RIMS1: variants seen among roughly 807,000 people sequenced by gnomAD.
RIMS1 encodes the protein regulating synaptic membrane exocytosis 1.
In RIMS1, 83 loss-of-function variants were observed where a neutral mutation model predicts 214.1. The observed-to-expected ratio is 0.39, with a 90% CI of 0.32 to 0.47. The LOEUF is 0.47. Ranked by LOEUF, RIMS1 falls within the 20% of genes least tolerant of loss-of-function variation. The pLI is 0.99. For synonymous variants in RIMS1, 793 were observed against 786.8 expected (o/e 1.01, Z -0.13); for missense variants, 2,050 against 2,161.8 (o/e 0.95, Z 1.03).
intron 2 of RIMS1, among the ~76,000 whole-genome samples, chr6:71,978,886 G>A (rs1219010235): frequency 6.6e-6 from 1 of 152,088 alleles, no homozygotes; most frequent in African/African-American, 2.4e-5. Context: ...AGTCAGTAGA[G>A]CCAGTAATTT....
In RIMS1 at chr6:72,345,628, A is replaced by T. The variant is rs555985039; in HGVS notation, c.4366+11793A>T. 1.1e-4 allele frequency among the ~76,000 whole-genome samples: 16 copies of T among 151,940 alleles called. No individual in the cohort carries two copies. In the South Asian group the frequency reaches 3.1e-3, roughly 29 times the overall value. ...TTTGATAGAGATTTTTTAAACAAGC[A>T]TAGATTTATAATATTTAATTTTGTT... On this transcript the variant is annotated intron_variant, in intron 29 of 33. Transcript: ENST00000521978.
intron 4 of RIMS1, among the ~76,000 whole-genome samples, chr6:72,121,329 GA>G (rs1211913818): frequency 2.0e-5 from 3 of 151,712 alleles, no homozygotes; most frequent in African/African-American, 7.3e-5. Context: ...TTATTTCGTT[GA>G]GCAGTGGTTT....
At chr6:72,024,808 G>GAAC (rs1217893220) in intron 2 of RIMS1, among the ~76,000 whole-genome samples, 3 of 148,530 alleles carry the variant, frequency 2.0e-5, no homozygotes, top group Non-Finnish European at 3.0e-5. Context: ...TTGAAATTTA[G>GAAC]AACAACTGAC....
At chr6:71,962,096 T>C (rs756169267) in intron 1 of RIMS1, among the ~76,000 whole-genome samples, 3 of 152,124 alleles carry the variant, frequency 2.0e-5, no homozygotes, top group Non-Finnish European at 4.4e-5. Context: ...GAGAAACTTA[T>C]AGAATCAAGC....
intron 4 of RIMS1, among the ~76,000 whole-genome samples, chr6:72,100,396 A>G (rs1586944372): frequency 1.3e-5 from 2 of 152,226 alleles, no homozygotes; most frequent in South Asian, 4.1e-4. Flanking sequence ...GGAATGGATC[A>G]AATTCAAGTA....
chr6:72,237,372 C>A (rs1351387748), intron 8 of RIMS1, among the ~76,000 whole-genome samples: 1 of 152,008 alleles, frequency 6.6e-6, no homozygotes, highest in Non-Finnish European at 1.5e-5. Context: ...GTGCTCCCAG[C>A]TACTTTAATC....
intron 6 of RIMS1, among the ~76,000 whole-genome samples, chr6:72,202,305 G>T (rs1442290645): frequency 6.6e-6 from 1 of 152,222 alleles, no homozygotes; most frequent in Non-Finnish European, 1.5e-5. Flanking sequence ...AGATCAGGGT[G>T]TTGGCAGGGT....
At chr6:72,015,257 A>G (rs777092604) in intron 2 of RIMS1, among the ~76,000 whole-genome samples, 26 of 152,078 alleles carry the variant, frequency 1.7e-4, no homozygotes, top group Non-Finnish European at 1.9e-4. Context: ...CAGGTGTGCA[A>G]TTTTCCAATG....
intron 6 of RIMS1, among the ~76,000 whole-genome samples, chr6:72,209,794 G>A (rs567037633): frequency 2.0e-5 from 3 of 151,828 alleles, no homozygotes; most frequent in Admixed American, 6.6e-5. Context: ...CCAGCTACTC[G>A]GGAGGCTGAG....
intron 11 of RIMS1, among the ~76,000 whole-genome samples, chr6:72,246,280 C>G (rs1026428978): frequency 6.6e-6 from 1 of 152,056 alleles, no homozygotes; most frequent in Non-Finnish European, 1.5e-5. Flanking sequence ...TACTGAATAA[C>G]AAAGTGTGTG....
At chr6:72,097,221 C>A in intron 3 of RIMS1, 59 bp downstream of exon 3, 2 of 1,443,002 alleles carry the variant, frequency 1.4e-6, no homozygotes, top group Non-Finnish European at 1.9e-6. Flanking sequence ...ATTACGCCTT[C>A]CAAACATGAG....
In RIMS1 at chr6:72,258,159, TACA is replaced by T. The variant is rs1315349935; in HGVS notation, c.2809_2811del (p.Thr937del). On this transcript the variant is annotated inframe_deletion, in exon 17 of 34. Transcript: ENST00000521978. Reference sequence around the variant, plus strand: ...GGTCTAGTGCTAGAGAAAGTAAATCTACAACATTAACTGTGCCAGAACAGCAAA... The same window carrying T: ...GGTCTAGTGCTAGAGAAAGTAAATCTACATTAACTGTGCCAGAACAGCAAA... 7 of 1,613,148 alleles carry T rather than the reference TACA, an allele frequency of 4.3e-6. No individual in the cohort carries two copies. The East Asian group carries it at 1.6e-4, about 36-fold the overall frequency.
In RIMS1 at chr6:72,235,637, C is replaced by T; in HGVS notation, c.1766C>T (p.Pro589Leu). ...TAACAGCATCCTGTAACGTGGCAAC[C>T]ATCTAAAGAGGGGGACCGATTAATT... ...PISSHPVTWQ[P>L]SKEGDRLIGR... is the part of the protein sequence containing the mutation. Residue 589 changes from proline to leucine, a missense_variant, in exon 8 of 34, where the codon CCA becomes CTA. Coordinates refer to ENST00000521978, the MANE Select transcript of RIMS1 (RefSeq NM_014989.7). The T allele has an allele frequency of 6.2e-7, 1 of 1,610,372 alleles. No individual in the cohort carries two copies. The highest frequency in any genetic ancestry group is 8.5e-7 in the Non-Finnish European group (1 of 1,177,980).
At chr6:72,306,869 G>A (rs1354347275) in intron 26 of RIMS1, among the ~76,000 whole-genome samples, 1 of 152,154 alleles carries the variant, frequency 6.6e-6, no homozygotes, top group Non-Finnish European at 1.5e-5. Context: ...TGCATATAGT[G>A]CGATGTGCTA....
intron 2 of RIMS1, among the ~76,000 whole-genome samples, chr6:72,080,999 T>TA (rs1321989515): frequency 2.0e-5 from 3 of 152,164 alleles, no homozygotes; most frequent in African/African-American, 7.2e-5. Context: ...CAATAAAACT[T>TA]AAAGAGTCAG....
chr6:72,339,562 G>T (rs2096972107), intron 29 of RIMS1, among the ~76,000 whole-genome samples: 1 of 151,512 alleles, frequency 6.6e-6, no homozygotes, highest in South Asian at 2.1e-4. Context: ...GCAATAGTTT[G>T]CTGAGAATGA....
intron 4 of RIMS1, among the ~76,000 whole-genome samples, chr6:72,155,258 C>T (rs1204207875): frequency 7.1e-6 from 1 of 140,190 alleles, no homozygotes; most frequent in Non-Finnish European, 1.6e-5. Flanking sequence ...GCAAATTTTT[C>T]ACACTTTTAT....
chr6:72,109,648 G>A (rs2035601263), intron 4 of RIMS1, among the ~76,000 whole-genome samples: 1 of 151,960 alleles, frequency 6.6e-6, no homozygotes, highest in South Asian at 2.1e-4. Flanking sequence ...CCATTTTGTA[G>A]GTTGCCTGTT....
chr6:71,972,220 A>T (rs1796028775), intron 2 of RIMS1, among the ~76,000 whole-genome samples: 1 of 152,172 alleles, frequency 6.6e-6, no homozygotes, highest in Non-Finnish European at 1.5e-5. Flanking sequence ...TCAAGAAATA[A>T]GGGATGAAAA....
Sources: gnomAD v4.1 joint callset for allele counts (sites outside exome capture counted in the v4.1 genomes callset) on GRCh38, gnomAD v4.1.1 for gene constraint, MANE v1.5 for transcripts, NCBI Gene and HGNC (gene_info 2026-07-23, HGNC 2026-07-21) for gene names.